INPP4B: variants seen among roughly 807,000 people sequenced by gnomAD.
The protein encoded by INPP4B is inositol polyphosphate-4-phosphatase type II B, also known as inositol polyphosphate 4-phosphatase type II.
Under a neutral mutation model 122.5 loss-of-function variants are expected in INPP4B, and 55 were observed. The observed-to-expected ratio is 0.45, with a 90% CI of 0.36 to 0.56. The LOEUF (loss-of-function observed/expected upper bound fraction) is 0.56. INPP4B is among the 20% of genes least tolerant of loss of function. INPP4B has a pLI of 0.00. For missense variants in INPP4B, 1,000 were observed against 1,097.7 expected, an observed-to-expected ratio of 0.91 and a Z score of 1.26; for synonymous variants, 403 against 388.7, an observed-to-expected ratio of 1.04 and a Z score of -0.43.
chr4:142,812,697 A>G (rs1779657561), intron 1 of INPP4B, among the ~76,000 whole-genome samples: 1 of 152,156 alleles, frequency 6.6e-6, no homozygotes, highest in African/African-American at 2.4e-5. Context: ...TTTTTATAAC[A>G]AGGTAAAAAA....
chr4:142,357,064 T>G (rs951567097), intron 7 of INPP4B, among the ~76,000 whole-genome samples: 9 of 152,050 alleles, frequency 5.9e-5, no homozygotes, highest in African/African-American at 1.7e-4. Context: ...CCTTGCCCTA[T>G]TTACCTCTTC....
intron 11 of INPP4B, among the ~76,000 whole-genome samples, chr4:142,238,506 G>A (rs939728659): frequency 2.6e-5 from 4 of 152,128 alleles, no homozygotes; most frequent in Admixed American, 6.5e-5. Flanking sequence ...AAACTGATAT[G>A]TTATTTTAGG....
intron 17 of INPP4B, among the ~76,000 whole-genome samples, chr4:142,158,409 C>T (rs1383066773): frequency 6.6e-6 from 1 of 152,014 alleles, no homozygotes; most frequent in African/African-American, 2.4e-5. Flanking sequence ...CCTGCTGTCC[C>T]CAGCATGTGG....
rs115042334 is a variant in INPP4B at position 142,537,166 on chromosome 4, T to G, written c.-190-74440A>C. ...AAGAGAAAACTTTGGTGATATATAT[T>G]CAAACTGAAAGCTTCAGAGTCCTGA... On this transcript the variant is annotated intron_variant, in intron 2 of 25. Coordinates refer to ENST00000262992, the MANE Select transcript of INPP4B (RefSeq NM_001101669.3). 7.3e-3 allele frequency among the ~76,000 whole-genome samples: 1,101 copies of G among 151,796 alleles called. 20 individuals carry two copies. Among genetic ancestry groups the G allele is most frequent in the African/African-American group, 0.022 (905 of 41,372 alleles).
intron 18 of INPP4B, among the ~76,000 whole-genome samples, chr4:142,130,311 G>C (rs983614764): frequency 3.0e-4 from 45 of 152,258 alleles, no homozygotes; most frequent in African/African-American, 3.6e-4. Flanking sequence ...GGAGAAACAG[G>C]GGGTACTGGA....
chr4:142,377,062 T>C (rs1271398439), intron 7 of INPP4B, among the ~76,000 whole-genome samples: 1 of 152,020 alleles, frequency 6.6e-6, no homozygotes, highest in African/African-American at 2.4e-5. Context: ...TATTTGATGT[T>C]TAAGTAATGG....
At chr4:142,756,558 C>T (rs1439851858) in intron 1 of INPP4B, among the ~76,000 whole-genome samples, 1 of 152,038 alleles carries the variant, frequency 6.6e-6, no homozygotes, top group African/African-American at 2.4e-5. Context: ...AGCTCATTCT[C>T]TATCAGCTCC....
intron 2 of INPP4B, among the ~76,000 whole-genome samples, chr4:142,679,002 T>C (rs1325976858): frequency 6.6e-6 from 1 of 151,928 alleles, no homozygotes; most frequent in African/African-American, 2.4e-5. Flanking sequence ...AAAATAAAGT[T>C]TAAGGAAGAA....
At chr4:142,038,216 A>C (rs1745162341) in intron 25 of INPP4B, among the ~76,000 whole-genome samples, 1 of 152,152 alleles carries the variant, frequency 6.6e-6, no homozygotes, top group South Asian at 2.1e-4. Context: ...ATGTTGTGAA[A>C]ATTTTAATAA....
At chr4:142,170,211 G>T (rs552122813) in intron 16 of INPP4B, among the ~76,000 whole-genome samples, 59 of 151,636 alleles carry the variant, frequency 3.9e-4, no homozygotes, top group Non-Finnish European at 7.2e-4. Flanking sequence ...GCTTTTGTTA[G>T]ATTCTTACAC....
chr4:142,107,123 A>G (rs1787546799), intron 23 of INPP4B, among the ~76,000 whole-genome samples: 1 of 152,182 alleles, frequency 6.6e-6, no homozygotes, highest in Non-Finnish European at 1.5e-5. Flanking sequence ...TTGACATAAA[A>G]TAATATAAAT....
intron 3 of INPP4B, among the ~76,000 whole-genome samples, chr4:142,456,371 A>G (rs1815421290): frequency 6.6e-6 from 1 of 152,038 alleles, no homozygotes; most frequent in South Asian, 2.1e-4. Flanking sequence ...ATGAATATAC[A>G]GTTTTTCCAG....
At chr4:142,185,095 G>A (rs931604784) in intron 15 of INPP4B, among the ~76,000 whole-genome samples, 1 of 152,086 alleles carries the variant, frequency 6.6e-6, no homozygotes, top group African/African-American at 2.4e-5. Context: ...TATGTGCTAG[G>A]ATTATCTTAA....
At chr4:142,640,988 T>C (rs1009828827) in intron 2 of INPP4B, among the ~76,000 whole-genome samples, 16 of 152,284 alleles carry the variant, frequency 1.1e-4, no homozygotes, top group African/African-American at 3.6e-4. Context: ...GGAATATAAA[T>C]CAGTATCATT....
At chr4:142,225,394 G>T (rs1054974023) in intron 12 of INPP4B, among the ~76,000 whole-genome samples, 1 of 151,878 alleles carries the variant, frequency 6.6e-6, no homozygotes, top group Non-Finnish European at 1.5e-5. Flanking sequence ...TCCTCAATTT[G>T]CAGACAGCCT....
chr4:142,108,341 C>T, intron 22 of INPP4B, 151 bp from the exon 23 acceptor site: 1 of 644,124 alleles, frequency 1.6e-6, no homozygotes, highest in South Asian at 1.7e-5. Flanking sequence ...ATGGTGATTT[C>T]AAACATATTC....
At chr4:142,431,144 C>G (rs747253361) in intron 4 of INPP4B, 25 bp downstream of exon 4, 17 of 1,570,800 alleles carry the variant, frequency 1.1e-5, no homozygotes, top group African/African-American at 2.7e-5. Context: ...GATGCAAAAA[C>G]AGGGAGGGAT....
chr4:142,524,473 T>C (rs1826569526), intron 2 of INPP4B, among the ~76,000 whole-genome samples: 1 of 152,120 alleles, frequency 6.6e-6, no homozygotes, highest in South Asian at 2.1e-4. Flanking sequence ...AAGTGTCTGT[T>C]CATGTCCTTT....
chr4:142,035,228 T>C (rs1743093607), intron 25 of INPP4B, among the ~76,000 whole-genome samples: 1 of 152,172 alleles, frequency 6.6e-6, no homozygotes, highest in African/African-American at 2.4e-5. Context: ...CTCTTAGTTC[T>C]GCCTGCTTGA....
Sources: gnomAD v4.1 joint callset for allele counts (sites outside exome capture counted in the v4.1 genomes callset) on GRCh38, gnomAD v4.1.1 for gene constraint, MANE v1.5 for transcripts, NCBI Gene and HGNC (gene_info 2026-07-23, HGNC 2026-07-21) for gene names.